DTNB: variants seen among roughly 807,000 people sequenced by gnomAD.
DTNB encodes dystrobrevin beta.
DTNB carries 63 observed loss-of-function variants against 90.7 expected under a neutral mutation model. The observed-to-expected ratio is 0.69, with a 90% confidence interval of 0.57 to 0.86. The LOEUF is 0.86. Ranked by LOEUF, DTNB falls within the 40% of genes least tolerant of loss-of-function variation. The probability of loss-of-function intolerance (pLI) is 0.00; values close to 1 mark genes in which losing one functional copy is unlikely to be tolerated. For synonymous variants in DTNB, 277 were observed against 286.7 expected, an observed-to-expected ratio of 0.97 and a Z score of 0.34; for missense variants, 744 against 807.1, an observed-to-expected ratio of 0.92 and a Z score of 0.95.
intron 5 of DTNB, among the ~76,000 whole-genome samples, chr2:25,598,326 A>C (rs1401766783): frequency 3.9e-5 from 6 of 152,104 alleles, no homozygotes; most frequent in Non-Finnish European, 8.8e-5. Context: ...AAAAAAGACA[A>C]AGTGTGAATC....
intron 3 of DTNB, among the ~76,000 whole-genome samples, chr2:25,629,859 A>T (rs998158382): frequency 1.3e-4 from 20 of 152,220 alleles, no homozygotes; most frequent in African/African-American, 4.3e-4. Flanking sequence ...AAGACACTTC[A>T]AGTACAGGCA....
At position 25,433,992 on chromosome 2, in the gene DTNB, G is replaced by A. The variant is rs755184039; in HGVS notation, c.1261C>T (p.Arg421Cys). Residue 421 changes from arginine (R) to cysteine (C), a missense_variant, in exon 13 of 21, where the codon CGT (arginine) becomes TGT (cysteine). Coordinates refer to ENST00000406818, the MANE Select transcript of DTNB (RefSeq NM_021907.5). ...TTAAAGCTCAAGTCAGTGGGAGGAC[G>A]AGTCTAAAGTGGGGAAGTCGGGAGA... Reference protein sequence around the residue: ...RLAAEAGNVTRPPTDLSFNFD... With the variant: ...RLAAEAGNVTCPPTDLSFNFD... The A allele has an allele frequency of 8.7e-6, 14 of 1,612,074 alleles. No homozygotes were observed. Among genetic ancestry groups the A allele is most frequent in the Middle Eastern group, 1.7e-4 (1 of 6,058 alleles).
At chr2:25,508,064 T>TACTGCCC (rs1317622997) in intron 9 of DTNB, among the ~76,000 whole-genome samples, 1 of 152,050 alleles carries the variant, frequency 6.6e-6, no homozygotes, top group African/African-American at 2.4e-5. Context: ...AGACCTCCAA[T>TACTGCCC]ACTGCCCATC....
intron 3 of DTNB, 108 bp from the exon 4 acceptor site, chr2:25,628,492 C>T: frequency 1.9e-6 from 2 of 1,060,532 alleles, no homozygotes; most frequent in Non-Finnish European, 2.7e-6. Flanking sequence ...AGAGAAGAAA[C>T]TCTTTAGCCA....
chr2:25,508,169 A>G (rs1298688077), intron 9 of DTNB, among the ~76,000 whole-genome samples: 1 of 152,168 alleles, frequency 6.6e-6, no homozygotes, highest in Non-Finnish European at 1.5e-5. Context: ...TCCCACCACT[A>G]AAAAACAAGC....
intron 11 of DTNB, 91 bp downstream of exon 11, chr2:25,455,314 A>G: frequency 1.7e-6 from 2 of 1,202,056 alleles, no homozygotes; most frequent in Non-Finnish European, 2.3e-6. Context: ...CCTGACATGC[A>G]GTTTTTTTTC....
intron 16 of DTNB, among the ~76,000 whole-genome samples, chr2:25,395,930 T>C (rs1260745519): frequency 1.3e-5 from 2 of 152,184 alleles, no homozygotes; most frequent in Non-Finnish European, 2.9e-5. Context: ...CAGAATTACA[T>C]ATAAGGAGCT....
At chr2:25,420,158 C>T (rs2049049183) in intron 15 of DTNB, among the ~76,000 whole-genome samples, 1 of 152,088 alleles carries the variant, frequency 6.6e-6, no homozygotes. Context: ...TCATCACTTC[C>T]CAACTAGCAA....
intron 12 of DTNB, among the ~76,000 whole-genome samples, chr2:25,444,534 C>CAAA (rs5829977): frequency 8.6e-6 from 1 of 116,360 alleles, no homozygotes; most frequent in Non-Finnish European, 1.8e-5. Flanking sequence ...GACTCCATCT[C>CAAA]AAAAAAAAAA....
At chr2:25,622,312 C>T (rs540088259) in intron 4 of DTNB, among the ~76,000 whole-genome samples, 19 of 152,202 alleles carry the variant, frequency 1.2e-4, no homozygotes, top group African/African-American at 4.3e-4. Flanking sequence ...GGCAAAACCC[C>T]GTCTCTACTG....
At chr2:25,582,651 C>T (rs960415390) in intron 6 of DTNB, among the ~76,000 whole-genome samples, 3 of 152,108 alleles carry the variant, frequency 2.0e-5, no homozygotes, top group Admixed American at 6.5e-5. Flanking sequence ...CTGAGAACTA[C>T]GCAAAAGGGC....
At chr2:25,412,692 A>G (rs1488180343) in intron 16 of DTNB, among the ~76,000 whole-genome samples, 1 of 152,244 alleles carries the variant, frequency 6.6e-6, no homozygotes, top group African/African-American at 2.4e-5. Context: ...TCCTTCATGA[A>G]TAAACAGAAC....
At chr2:25,521,628 T>A (rs1007611763) in intron 9 of DTNB, among the ~76,000 whole-genome samples, 2 of 148,600 alleles carry the variant, frequency 1.3e-5, no homozygotes, top group East Asian at 4.0e-4. Context: ...CACTCCCAAC[T>A]CAAGTGATCC....
At chr2:25,651,838 A>G (rs112405047) in intron 2 of DTNB, among the ~76,000 whole-genome samples, 1,655 of 152,272 alleles carry the variant, frequency 0.011, 20 homozygotes, top group Non-Finnish European at 0.017. Context: ...CAATCTTATC[A>G]TACTCTTATG....
chr2:25,467,299 CTTTTTTT>C (rs11345885), intron 10 of DTNB, among the ~76,000 whole-genome samples: 1 of 120,112 alleles, frequency 8.3e-6, no homozygotes, highest in Non-Finnish European at 1.7e-5. Context: ...TTCTTTCTTT[CTTTTTTT>C]TTTTTTTTTT....
At chr2:25,602,352 C>T (rs1329547375) in intron 5 of DTNB, among the ~76,000 whole-genome samples, 2 of 152,146 alleles carry the variant, frequency 1.3e-5, no homozygotes, top group East Asian at 3.9e-4. Context: ...TACTTCCTTC[C>T]ATTTCTAAAA....
chr2:25,599,630 T>A (rs1373351833), intron 5 of DTNB, among the ~76,000 whole-genome samples: 1 of 152,146 alleles, frequency 6.6e-6, no homozygotes, highest in Non-Finnish European at 1.5e-5. Flanking sequence ...TGAGCCACAG[T>A]GTCTGGCCCA....
chr2:25,591,902 A>C (rs748156283), intron 6 of DTNB, among the ~76,000 whole-genome samples: 2 of 151,734 alleles, frequency 1.3e-5, no homozygotes, highest in Non-Finnish European at 2.9e-5. Context: ...CTCTACTACA[A>C]ATACAAAAAT....
intron 4 of DTNB, among the ~76,000 whole-genome samples, chr2:25,623,501 G>C (rs1015359190): frequency 6.6e-6 from 1 of 152,138 alleles, no homozygotes; most frequent in African/African-American, 2.4e-5. Context: ...TTTGGGCTCA[G>C]AGCCCAAAGG....
Sources: allele counts gnomAD v4.1 joint callset (sites outside exome capture counted in the v4.1 genomes callset), GRCh38; gene constraint gnomAD v4.1.1; transcripts MANE v1.5; gene names NCBI Gene and HGNC (gene_info 2026-07-23, HGNC 2026-07-21).